NPC1: variants seen among roughly 807,000 people sequenced by gnomAD.
NPC1 encodes the protein NPC intracellular cholesterol transporter 1.
Under a neutral mutation model 140.4 loss-of-function variants are expected in NPC1, and 85 were observed. The ratio of observed to expected loss-of-function variants is 0.61; its 90% CI spans 0.51 to 0.72. NPC1 has a LOEUF of 0.72. Ranked by LOEUF, NPC1 falls within the 30% of genes least tolerant of loss-of-function variation. The probability of loss-of-function intolerance (pLI) is 0.00; values close to 1 mark genes in which losing one functional copy is unlikely to be tolerated. For missense variants in NPC1, 1,504 were observed against 1,623.8 expected (o/e 0.93, Z 1.27); for synonymous variants, 656 against 624.8 (o/e 1.05, Z -0.74).
At chr18:23,524,245 T>A in intron 1 of NPC1, 1 of 1,577,858 alleles carries the variant, frequency 6.3e-7, no homozygotes, top group Admixed American at 1.7e-5. Flanking sequence ...GGTCCTGAAG[T>A]CCTCCTCCGG....
rs1478948037 is a variant in NPC1 at position 23,535,583 on chromosome 18, G to C, written c.3363C>G (p.Leu1121=). Residue 1121 remains leucine, a synonymous_variant, in exon 22 of 25, where the codon CTC becomes CTG. Transcript: ENST00000269228. ...LVTMVLLGCE[L]WSAVIMCATI... Reference sequence around the variant, plus strand: ...TGGCACACATGATGACTGCAGACCAGAGCTCACAGCCCAGGAGGACCATGG... The same window carrying C: ...TGGCACACATGATGACTGCAGACCACAGCTCACAGCCCAGGAGGACCATGG... 5 of 1,614,012 alleles carry C rather than the reference G, an allele frequency of 3.1e-6. No homozygotes were observed. The South Asian group carries it at 4.4e-5, about 14-fold the overall frequency.
rs1472786529 is a variant in NPC1 at position 23,568,942 on chromosome 18, G to A, written c.344C>T (p.Pro115Leu). 6.2e-7 allele frequency: 1 copy of A among 1,613,938 alleles called. No individual in the cohort carries two copies. Among genetic ancestry groups the A allele is most frequent in the Admixed American group, 1.7e-5 (1 of 60,008 alleles). ...AACATTCAAAAACTGACTCTGTCGA[G>A]GGCTACATGTCAGCTCACAAAACAG... ...LNLFCELTCS[P>L]RQSQFLNVTA... is the part of the protein sequence containing the mutation. Residue 115 changes from proline to leucine, a missense_variant, in exon 4 of 25, where the codon CCT becomes CTT. Coordinates refer to ENST00000269228, the MANE Select transcript of NPC1 (RefSeq NM_000271.5).
intron 2 of NPC1, among the ~76,000 whole-genome samples, chr18:23,573,111 G>C (rs2059226700): frequency 6.6e-6 from 1 of 152,158 alleles, no homozygotes; most frequent in Admixed American, 6.5e-5. Context: ...GAGTCCATTT[G>C]AGTCCTGAAA....
At chr18:23,518,383 TG>T, downstream of NPC1, among the ~76,000 whole-genome samples, 1 of 152,094 alleles carries the variant, frequency 6.6e-6, no homozygotes, top group Middle Eastern at 3.4e-3. Context: ...TCCTAGCTAC[TG>T]GGGAGGCTGA....
At position 23,533,460 on chromosome 18, in the gene NPC1, T is replaced by G; in HGVS notation, c.3649A>C (p.Lys1217Gln). Reference sequence around the variant, plus strand: ...TAGAATATCTGGAAAATTTGAGATTTGGCAAAAGCCAACACCACAATCCCT... The same window carrying G: ...TAGAATATCTGGAAAATTTGAGATTGGGCAAAAGCCAACACCACAATCCCT... Reference protein sequence around the residue: ...FGGIVVLAFAKSQIFQIFYFR... With the variant: ...FGGIVVLAFAQSQIFQIFYFR... The change falls in exon 24 of 25, where the codon AAA becomes CAA. Residue 1217 changes from lysine (K) to glutamine (Q), a missense_variant. Lys to Gln is a moderately conservative substitution (Grantham distance 53). Coordinates refer to ENST00000269228, the MANE Select transcript of NPC1 (RefSeq NM_000271.5). 1 of 1,614,274 alleles carries G rather than the reference T, an allele frequency of 6.2e-7. No individual in the cohort carries two copies. The highest frequency in any genetic ancestry group is 8.5e-7 in the Non-Finnish European group (1 of 1,180,044).
rs746372120 is a variant in NPC1, at chr18:23,556,446, T to C, written c.1123A>G (p.Thr375Ala). Reference protein sequence around the residue: ...SSGLVFVRVTTNPVDLWSAPS... With the variant: ...SSGLVFVRVTANPVDLWSAPS... The stretch of plus-strand genomic sequence containing the variant: ...GCTGACCAGAGGTCAACTGGATTGG[T>C]TGTGACCCGGACAAACACCAGGCCT... The change falls in exon 8 of 25, where the codon ACC (threonine) becomes GCC (alanine). Residue 375 changes from threonine to alanine, a missense_variant. Transcript: ENST00000269228. 2.9e-5 allele frequency: 46 copies of C among 1,613,932 alleles called. No homozygotes were observed. In the South Asian group the frequency reaches 4.2e-4, roughly 15 times the overall value.
At chr18:23,534,376 C>A (rs1051591436) in intron 23 of NPC1, 70 bp downstream of exon 23, 3 of 1,049,624 alleles carry the variant, frequency 2.9e-6, no homozygotes, top group Non-Finnish European at 4.4e-6. Context: ...AGGATCCAGA[C>A]TCTTCAGTCA....
At chr18:23,571,583 G>A (rs1410094498) in intron 3 of NPC1, among the ~76,000 whole-genome samples, 1 of 152,046 alleles carries the variant, frequency 6.6e-6, no homozygotes, top group Non-Finnish European at 1.5e-5. Flanking sequence ...CTTGAACCCG[G>A]GAGGAGGTTG....
intron 4 of NPC1, 58 bp from the exon 5 acceptor site, chr18:23,561,585 C>A (rs2059040159): frequency 1.9e-6 from 3 of 1,572,044 alleles, no homozygotes; most frequent in Non-Finnish European, 2.6e-6. Flanking sequence ...ATTCACGAGG[C>A]AAGATCTTAC....
Position 23,540,103 on chromosome 18 carries a change from C to T in NPC1, c.2605-102G>A, listed in dbSNP as rs1222695002. ...TAAGAGGGTGCCAGGAGGTTCCTGG[C>T]TGAGATGCCTCCAGCTGGACTCATG... On this transcript the variant is annotated intron_variant, in intron 17 of 24. Coordinates refer to ENST00000269228, the MANE Select transcript of NPC1 (RefSeq NM_000271.5). 19 of 990,170 alleles carry T rather than the reference C, an allele frequency of 1.9e-5. No individual in the cohort carries two copies. In the Admixed American group the frequency reaches 3.7e-4, roughly 19 times the overall value. The allele number at this position is 990,170 out of a possible 1,614,324, so 61.3% of individuals were successfully genotyped here. A position where few individuals can be genotyped will look rare whatever the true frequency, so the allele number is the denominator to read the frequency against.
chr18:23,574,603 A>AG (rs1193347409), intron 1 of NPC1, among the ~76,000 whole-genome samples: 1 of 152,206 alleles, frequency 6.6e-6, no homozygotes, highest in Non-Finnish European at 1.5e-5. Flanking sequence ...CAAAAACATG[A>AG]GAAAAAGTCA....
chr18:23,571,099 A>AACATCG (rs1475974603), intron 3 of NPC1, among the ~76,000 whole-genome samples: 1 of 152,224 alleles, frequency 6.6e-6, no homozygotes, highest in African/African-American at 2.4e-5. Flanking sequence ...GCAGGGTGAG[A>AACATCG]ACATCGCAGA....
chr18:23,516,182 G>C, intron 3 of NPC1: 1 of 1,300,664 alleles, frequency 7.7e-7, no homozygotes, highest in East Asian at 2.3e-5. Context: ...GGGCAGACAG[G>C]CTGTGAGAGG....
rs2059165417 is a variant in NPC1, at chr18:23,569,006, A to C, written c.288-8T>G. ...TAAAAACAGGATGGACATCTAAAGGAAAAGTAAATTATATTCTGCATGATC... is the reference window on the plus strand; with the variant it reads ...TAAAAACAGGATGGACATCTAAAGGCAAAGTAAATTATATTCTGCATGATC... On this transcript the variant is annotated splice_region_variant and splice_polypyrimidine_tract_variant and intron_variant, in intron 3 of 24. Coordinates refer to ENST00000269228, the MANE Select transcript of NPC1 (RefSeq NM_000271.5). 6.2e-7 allele frequency: 1 copy of C among 1,605,654 alleles called. No homozygotes were observed. Among genetic ancestry groups the C allele is most frequent in the Non-Finnish European group, 8.5e-7 (1 of 1,173,174 alleles).
At chr18:23,528,029 T>C (rs2058358597), downstream of NPC1, 23 of 743,736 alleles carry the variant, frequency 3.1e-5, no homozygotes, top group South Asian at 3.5e-4. Flanking sequence ...CCGCCTGCCA[T>C]AGGGCAAGGT....
At chr18:23,570,803 GCCAA>G (rs1410746072) in intron 3 of NPC1, among the ~76,000 whole-genome samples, 43 of 152,162 alleles carry the variant, frequency 2.8e-4, no homozygotes, top group Non-Finnish European at 1.0e-4. Context: ...CAGGGTCATA[GCCAA>G]CAGAACAGAT....
chr18:23,543,434 T>C, intron 14 of NPC1, 21 bp downstream of exon 14: 1 of 1,365,688 alleles, frequency 7.3e-7, no homozygotes, highest in Non-Finnish European at 1.0e-6. Flanking sequence ...ACAGGACTGG[T>C]AGGATTGAAA....
At chr18:23,507,350 C>T (rs1403376995) in intron 3 of NPC1, among the ~76,000 whole-genome samples, 1 of 152,162 alleles carries the variant, frequency 6.6e-6, no homozygotes, top group Non-Finnish European at 1.5e-5. Context: ...GCCTCGATCT[C>T]TCAGGCTCAA....
chr18:23,564,583 G>C (rs1433632628), intron 4 of NPC1, among the ~76,000 whole-genome samples: 4 of 152,106 alleles, frequency 2.6e-5, no homozygotes, highest in Non-Finnish European at 5.9e-5. Flanking sequence ...TCAGCCACCC[G>C]AACTGCTGGG....
Sources: gnomAD v4.1 joint callset for allele counts (sites outside exome capture counted in the v4.1 genomes callset) on GRCh38, gnomAD v4.1.1 for gene constraint, MANE v1.5 for transcripts, NCBI Gene and HGNC (gene_info 2026-07-23, HGNC 2026-07-21) for gene names.